Variants in HS2ST1 observed in about 807,000 individuals in gnomAD.
The protein encoded by HS2ST1 is heparan sulfate 2-O-sulfotransferase 1.
A neutral mutation model predicts 42.9 loss-of-function variants in HS2ST1; 18 were observed. The observed-to-expected ratio is 0.42, with a 90% CI of 0.29 to 0.62. The LOEUF is 0.62. Ranked by LOEUF, HS2ST1 falls within the 20% of genes least tolerant of loss-of-function variation. The pLI, the probability that HS2ST1 is intolerant of heterozygous loss-of-function variation, is 0.21. For missense variants in HS2ST1, 334 were observed against 433.8 expected (o/e 0.77, Z 2.04); for synonymous variants, 146 against 152.9 (o/e 0.95, Z 0.33).
intron 2 of HS2ST1, 22 bp downstream of exon 2, chr1:87,073,194 C>T: frequency 6.7e-7 from 1 of 1,485,718 alleles, no homozygotes; most frequent in African/African-American, 1.4e-5. Context: ...TTAAGGAATG[C>T]CCAAATATTT....
In HS2ST1 at chr1:86,919,605, A is replaced by T. The variant is rs142752378; in HGVS notation, c.124+4445A>T. Among the ~76,000 whole-genome samples, 69 of 152,224 alleles carry T rather than the reference A, an allele frequency of 4.5e-4. No homozygotes were observed. In the East Asian group the frequency reaches 8.1e-3, roughly 18 times the overall value. ...GGATGCTATTTTCCATTAATCAGAGATTCTTTAAACCTCGGGGACCCATAA... is the reference window on the plus strand; with the variant it reads ...GGATGCTATTTTCCATTAATCAGAGTTTCTTTAAACCTCGGGGACCCATAA... On this transcript the variant is annotated intron_variant, in intron 1 of 6. Transcript: ENST00000370550.
intron 1 of HS2ST1, among the ~76,000 whole-genome samples, chr1:87,031,624 A>G (rs1650240166): frequency 6.6e-6 from 1 of 152,218 alleles, no homozygotes; most frequent in South Asian, 2.1e-4. Context: ...TAGTAAATTT[A>G]ATTTACACTT....
intron 1 of HS2ST1, among the ~76,000 whole-genome samples, chr1:86,937,938 A>T (rs1660690115): frequency 6.6e-6 from 1 of 152,190 alleles, no homozygotes; most frequent in Admixed American, 6.5e-5. Flanking sequence ...ACTATATAAT[A>T]AAACTTTAAA....
At chr1:87,014,040 C>A (rs1265151699) in intron 1 of HS2ST1, among the ~76,000 whole-genome samples, 1 of 152,188 alleles carries the variant, frequency 6.6e-6, no homozygotes, top group Non-Finnish European at 1.5e-5. Context: ...ATCTTTCTGT[C>A]TTCTGAGCCC....
intron 1 of HS2ST1, among the ~76,000 whole-genome samples, chr1:87,014,258 C>G (rs1423592132): frequency 6.6e-6 from 1 of 152,148 alleles, no homozygotes; most frequent in African/African-American, 2.4e-5. Context: ...GGGGAGGCCT[C>G]ACAATCATGG....
chr1:87,044,607 T>C (rs768847391), intron 1 of HS2ST1, among the ~76,000 whole-genome samples: 14 of 152,200 alleles, frequency 9.2e-5, no homozygotes, highest in Non-Finnish European at 1.8e-4. Context: ...AGGTATCAAC[T>C]TAACCACAAT....
intron 1 of HS2ST1, among the ~76,000 whole-genome samples, chr1:87,010,801 TTGTTTTGA>T (rs1045909796): frequency 9.5e-6 from 1 of 105,284 alleles, no homozygotes; most frequent in African/African-American, 3.2e-5. Context: ...TTGTTTTGTT[TTGTTTTGA>T]GACAGAGTCT....
intron 4 of HS2ST1, among the ~76,000 whole-genome samples, chr1:87,096,125 GAA>G (rs1202647397): frequency 1.3e-5 from 2 of 152,000 alleles, no homozygotes; most frequent in Non-Finnish European, 2.9e-5. Context: ...TATATAATTA[GAA>G]AAGAGAGGAT....
chr1:86,947,969 A>C (rs1647388473), intron 1 of HS2ST1, among the ~76,000 whole-genome samples: 1 of 152,132 alleles, frequency 6.6e-6, no homozygotes, highest in Non-Finnish European at 1.5e-5. Flanking sequence ...CATGATACTG[A>C]TATTAACCTA....
intron 1 of HS2ST1, among the ~76,000 whole-genome samples, chr1:87,008,444 A>G (rs1649503090): frequency 6.6e-6 from 1 of 152,236 alleles, no homozygotes; most frequent in Non-Finnish European, 1.5e-5. Context: ...AAACATTTAT[A>G]CACTGTAATA....
chr1:86,960,063 G>A (rs538356527), intron 1 of HS2ST1, among the ~76,000 whole-genome samples: 2 of 152,232 alleles, frequency 1.3e-5, no homozygotes, highest in East Asian at 3.9e-4. Flanking sequence ...AGACATTGTG[G>A]TATTGTTGAA....
At chr1:87,007,462 A>G (rs529589162) in intron 1 of HS2ST1, among the ~76,000 whole-genome samples, 1 of 152,254 alleles carries the variant, frequency 6.6e-6, no homozygotes, top group South Asian at 2.1e-4. Flanking sequence ...TAGAGGATGC[A>G]TAGAAGGACA....
chr1:87,021,762 T>A (rs1055309505), intron 1 of HS2ST1, among the ~76,000 whole-genome samples: 10 of 152,166 alleles, frequency 6.6e-5, no homozygotes, highest in Non-Finnish European at 1.2e-4. Flanking sequence ...GTGATCCTTC[T>A]GCCTTGGCCT....
At chr1:87,013,315 C>G (rs72722302) in intron 1 of HS2ST1, among the ~76,000 whole-genome samples, 16,874 of 152,298 alleles carry the variant, frequency 0.11, 1,012 homozygotes, top group African/African-American at 0.14. Context: ...CAGTTTCTGA[C>G]TTCTGTGCAC....
chr1:86,930,969 G>C (rs1660529067), intron 1 of HS2ST1, among the ~76,000 whole-genome samples: 2 of 151,936 alleles, frequency 1.3e-5, no homozygotes. Context: ...AAAATGACTA[G>C]TTAGTGGGGG....
intron 1 of HS2ST1, among the ~76,000 whole-genome samples, chr1:86,952,116 C>T (rs1647536430): frequency 6.6e-6 from 1 of 152,286 alleles, no homozygotes; most frequent in East Asian, 1.9e-4. Flanking sequence ...TTCCATGAAT[C>T]ATGAATGTTC....
chr1:87,064,765 A>G (rs1427962337), intron 1 of HS2ST1, among the ~76,000 whole-genome samples: 2 of 152,170 alleles, frequency 1.3e-5, no homozygotes, highest in Non-Finnish European at 2.9e-5. Context: ...GGCTCAGGCA[A>G]TCTACCCACC....
At chr1:86,988,560 A>C (rs1453595112) in intron 1 of HS2ST1, among the ~76,000 whole-genome samples, 1 of 152,216 alleles carries the variant, frequency 6.6e-6, no homozygotes, top group Non-Finnish European at 1.5e-5. Context: ...CGAGCTCGAG[A>C]AGGAATCTGG....
chr1:87,044,440 CA>C (rs1284354377), intron 1 of HS2ST1, among the ~76,000 whole-genome samples: 1 of 152,110 alleles, frequency 6.6e-6, no homozygotes, highest in African/African-American at 2.4e-5. Context: ...CATTGTTTTA[CA>C]TTAATATACA....
Sources: gnomAD v4.1 joint callset for allele counts (sites outside exome capture counted in the v4.1 genomes callset) on GRCh38, gnomAD v4.1.1 for gene constraint, MANE v1.5 for transcripts, NCBI Gene and HGNC (gene_info 2026-07-23, HGNC 2026-07-21) for gene names.